COL15A1: variants seen among roughly 807,000 people sequenced by gnomAD.
COL15A1 encodes collagen type XV alpha 1 chain.
A neutral mutation model predicts 165.9 loss-of-function variants in COL15A1; 111 were observed. That is an observed-to-expected ratio of 0.67 (90% CI 0.57 to 0.78). The LOEUF (loss-of-function observed/expected upper bound fraction) is 0.78. Among genes scored for constraint, COL15A1 ranks in the 30% least tolerant of loss-of-function variants. The pLI is 0.00. For missense variants in COL15A1, 1,745 were observed against 1,789.7 expected (o/e 0.98, Z 0.45); for synonymous variants, 659 against 674.8 (o/e 0.98, Z 0.36).
At chr9:99,060,234 TTATA>T (rs1203751452) in intron 36 of COL15A1, among the ~76,000 whole-genome samples, 43 of 84,848 alleles carry the variant, frequency 5.1e-4, no homozygotes, top group Non-Finnish European at 7.1e-4. Flanking sequence ...TTATATATTT[TTATA>T]TATATATATA....
At chr9:98,982,243 C>T (rs773476666) in intron 2 of COL15A1, among the ~76,000 whole-genome samples, 11 of 152,088 alleles carry the variant, frequency 7.2e-5, no homozygotes, top group East Asian at 1.9e-4. Flanking sequence ...CTCAGCCTCC[C>T]GAATAGCTGG....
chr9:99,054,678 A>G lies in COL15A1; in HGVS notation c.3031+22A>G, dbSNP rs1355745122. 6.9e-6 allele frequency: 11 copies of G among 1,593,552 alleles called. No homozygotes were observed. The East Asian group carries it at 1.1e-4, about 16-fold the overall frequency. On this transcript the variant is annotated intron_variant, in intron 32 of 41. Transcript: ENST00000375001. ...CCAGGTATTCCAGCTCTTGTTCTCA[A>G]TCTTGCCTTTGATTTTTTGCTCCTG...
intron 11 of COL15A1, among the ~76,000 whole-genome samples, chr9:99,016,510 C>T (rs776004457): frequency 6.6e-6 from 1 of 152,226 alleles, no homozygotes; most frequent in Non-Finnish European, 1.5e-5. Flanking sequence ...TTTTATGACT[C>T]TTGGCTACAA....
At chr9:98,990,076 A>G (rs1588504498) in intron 5 of COL15A1, among the ~76,000 whole-genome samples, 1 of 152,228 alleles carries the variant, frequency 6.6e-6, no homozygotes, top group South Asian at 2.1e-4. Flanking sequence ...GTGGCTGGAG[A>G]TTACAGACCT....
chr9:98,968,201 C>T (rs1281087690), intron 2 of COL15A1, among the ~76,000 whole-genome samples: 1 of 152,228 alleles, frequency 6.6e-6, no homozygotes, highest in Non-Finnish European at 1.5e-5. Flanking sequence ...TATTGGATGA[C>T]CCAGTCCAGG....
chr9:99,010,756 G>A (rs913600152), intron 9 of COL15A1, among the ~76,000 whole-genome samples: 5 of 152,180 alleles, frequency 3.3e-5, no homozygotes, highest in African/African-American at 9.7e-5. Flanking sequence ...TTATATGGAC[G>A]TAATAACCTT....
At chr9:99,028,034 A>G (rs577743716) in intron 16 of COL15A1, among the ~76,000 whole-genome samples, 42 of 152,242 alleles carry the variant, frequency 2.8e-4, no homozygotes, top group African/African-American at 9.6e-4. Flanking sequence ...CAACTTGCAT[A>G]CCTCCAGTGA....
In COL15A1 at chr9:99,052,443, C is replaced by T; in HGVS notation, c.2950+10C>T. On this transcript the variant is annotated intron_variant, in intron 31 of 41. Coordinates refer to ENST00000375001, the MANE Select transcript of COL15A1 (RefSeq NM_001855.5). ...CTCATCACTTTTCACGGTATACACT[C>T]CCTTCTTCATCATTTGTTTCTCTGG... 1.3e-6 allele frequency: 2 copies of T among 1,591,490 alleles called. No homozygotes were observed. Among genetic ancestry groups the T allele is most frequent in the Non-Finnish European group, 1.7e-6 (2 of 1,159,650 alleles).
At chr9:99,004,766 T>A (rs772737022) in intron 8 of COL15A1, 132 bp from the exon 9 acceptor site, 2 of 969,292 alleles carry the variant, frequency 2.1e-6, no homozygotes, top group Non-Finnish European at 3.2e-6. Context: ...GATGTCTCAC[T>A]GTGGGTTTCC....
At chr9:99,054,392 A>G (rs1759105210) in intron 31 of COL15A1, among the ~76,000 whole-genome samples, 184 bp from the exon 32 acceptor site, 1 of 152,200 alleles carries the variant, frequency 6.6e-6, no homozygotes, top group African/African-American at 2.4e-5. Flanking sequence ...TTCAAGGTTG[A>G]GAATGTGTCT....
intron 9 of COL15A1, among the ~76,000 whole-genome samples, chr9:99,011,091 G>A (rs920459366): frequency 1.3e-5 from 2 of 152,140 alleles, no homozygotes; most frequent in African/African-American, 2.4e-5. Context: ...TTTAAAAGGC[G>A]AGAGAAAACA....
intron 31 of COL15A1, among the ~76,000 whole-genome samples, chr9:99,053,453 C>A (rs1012767320): frequency 6.6e-6 from 1 of 152,228 alleles, no homozygotes; most frequent in South Asian, 2.1e-4. Flanking sequence ...CCCAATTGTT[C>A]CTCTTCCCTG....
chr9:99,025,036 G>A (rs1370401165), intron 15 of COL15A1, 37 bp downstream of exon 15: 9 of 1,600,568 alleles, frequency 5.6e-6, no homozygotes, highest in African/African-American at 2.7e-5. Flanking sequence ...CTCTGTGGCT[G>A]TGGGGCTTCC....
chr9:99,058,982 GTGAGCAGAGGA>G (rs1280407887), intron 35 of COL15A1, among the ~76,000 whole-genome samples: 1 of 152,186 alleles, frequency 6.6e-6, no homozygotes, highest in Non-Finnish European at 1.5e-5. Flanking sequence ...CGGGGGTAGG[GTGAGCAGAGGA>G]TGAGAGAGGT....
At chr9:98,949,050 C>G (rs917235142) in intron 2 of COL15A1, among the ~76,000 whole-genome samples, 2 of 152,114 alleles carry the variant, frequency 1.3e-5, no homozygotes, top group African/African-American at 4.8e-5. Context: ...TAACAGTCAT[C>G]CCTTTCTTGC....
chr9:99,022,761 G>A (rs957871796), intron 13 of COL15A1, among the ~76,000 whole-genome samples: 2 of 152,192 alleles, frequency 1.3e-5, no homozygotes, highest in Non-Finnish European at 1.5e-5. Context: ...GGCCCTGCCT[G>A]GTTCCTGTCT....
At chr9:98,999,930 C>T (rs546548339) in intron 6 of COL15A1, among the ~76,000 whole-genome samples, 3 of 150,784 alleles carry the variant, frequency 2.0e-5, no homozygotes, top group South Asian at 2.1e-4. Flanking sequence ...TCTCAGCTTA[C>T]TACAACCTCT....
intron 2 of COL15A1, among the ~76,000 whole-genome samples, chr9:98,972,025 A>T (rs1786207237): frequency 6.6e-6 from 1 of 152,272 alleles, no homozygotes; most frequent in African/African-American, 2.4e-5. Context: ...CAACCCAATG[A>T]GCGAGGACTC....
At chr9:99,063,469 G>A (rs1825849642) in intron 39 of COL15A1, among the ~76,000 whole-genome samples, 1 of 152,206 alleles carries the variant, frequency 6.6e-6, no homozygotes, top group South Asian at 2.1e-4. Context: ...TTAAATTACA[G>A]GCAAAAGAGT....
Sources: allele counts gnomAD v4.1 joint callset (sites outside exome capture counted in the v4.1 genomes callset), GRCh38; gene constraint gnomAD v4.1.1; transcripts MANE v1.5; gene names NCBI Gene and HGNC (gene_info 2026-07-23, HGNC 2026-07-21).